DOCK4: variants seen among roughly 807,000 people sequenced by gnomAD.
DOCK4 encodes dedicator of cytokinesis 4, also known as dedicator of cytokinesis protein 4.
A neutral mutation model predicts 268.1 loss-of-function variants in DOCK4; 97 were observed. The observed-to-expected ratio is 0.36, with a 90% CI of 0.31 to 0.43. The LOEUF (loss-of-function observed/expected upper bound fraction) is 0.43, where lower values mean the gene tolerates loss of function less well. Among genes scored for constraint, DOCK4 ranks in the 20% least tolerant of loss-of-function variants. The pLI, the probability that DOCK4 is intolerant of heterozygous loss-of-function variation, is 1.00. For missense variants in DOCK4, 2,145 were observed against 2,455.7 expected, an observed-to-expected ratio of 0.87 and a Z score of 2.67; for synonymous variants, 954 against 887.2, an observed-to-expected ratio of 1.08 and a Z score of -1.34.
chr7:111,741,386 T>C (rs1251174347), intron 46 of DOCK4, among the ~76,000 whole-genome samples, 154 bp downstream of exon 46: 1 of 152,238 alleles, frequency 6.6e-6, no homozygotes, highest in Non-Finnish European at 1.5e-5. Context: ...TGTTGCTGTT[T>C]TACTGGTGGC....
rs1238100493 is a variant in DOCK4 at position 111,998,444 on chromosome 7, T to C, written c.218+4A>G. 9 of 1,571,578 alleles carry C rather than the reference T, an allele frequency of 5.7e-6. No homozygotes were observed. The highest frequency in any genetic ancestry group is 6.9e-6 in the Non-Finnish European group (8 of 1,155,914). On this transcript the variant is annotated splice_donor_region_variant and intron_variant, in intron 4 of 52. Transcript: ENST00000428084. ...TCCAACTACTAATAAAACTCATTTCTTACCCTTTGTTCTTTACACAGGCAT... is the reference window on the plus strand; with the variant it reads ...TCCAACTACTAATAAAACTCATTTCCTACCCTTTGTTCTTTACACAGGCAT...
chr7:111,998,594 T>C (rs1007730648), intron 3 of DOCK4, 91 bp from the exon 4 acceptor site: 6 of 887,380 alleles, frequency 6.8e-6, no homozygotes, highest in Non-Finnish European at 1.0e-5. Flanking sequence ...CATACAACCA[T>C]GACAACATCA....
At chr7:111,960,523 C>CTTTTT (rs753880464) in intron 8 of DOCK4, among the ~76,000 whole-genome samples, 22 of 78,480 alleles carry the variant, frequency 2.8e-4, no homozygotes, top group South Asian at 5.1e-4. Flanking sequence ...ACCTCATGTG[C>CTTTTT]TTTTTTTTTT....
chr7:111,875,671 T>C (rs1490643060), intron 17 of DOCK4, among the ~76,000 whole-genome samples: 1 of 152,198 alleles, frequency 6.6e-6, no homozygotes, highest in African/African-American at 2.4e-5. Context: ...ACTTTGAAGA[T>C]GGAGGAAGGG....
At chr7:111,755,682 G>A in intron 41 of DOCK4, 81 bp from the exon 42 acceptor site, 1 of 1,286,152 alleles carries the variant, frequency 7.8e-7, no homozygotes, top group Non-Finnish European at 1.1e-6. Context: ...GTCGGTCACT[G>A]TTACCAGGCT....
intron 39 of DOCK4, among the ~76,000 whole-genome samples, chr7:111,760,741 TGTGTGTG>T (rs1797344609): frequency 3.7e-4 from 2 of 5,360 alleles, no homozygotes; most frequent in Admixed American, 1.9e-3. Flanking sequence ...CTGCTTTTTG[TGTGTGTG>T]TGTGTGTGTG....
At chr7:111,748,015 G>A (rs1031319755) in intron 42 of DOCK4, among the ~76,000 whole-genome samples, 1 of 152,064 alleles carries the variant, frequency 6.6e-6, no homozygotes, top group Non-Finnish European at 1.5e-5. Flanking sequence ...TATACTGCAG[G>A]ATCTATTTGT....
At chr7:112,176,010 G>A (rs1344312290) in intron 1 of DOCK4, among the ~76,000 whole-genome samples, 2 of 152,000 alleles carry the variant, frequency 1.3e-5, no homozygotes, top group African/African-American at 4.8e-5. Flanking sequence ...TCAATTTTGT[G>A]GAAAATAAAG....
At chr7:111,753,724 T>C (rs1796843199) in intron 42 of DOCK4, among the ~76,000 whole-genome samples, 2 of 152,186 alleles carry the variant, frequency 1.3e-5, no homozygotes, top group Non-Finnish European at 2.9e-5. Context: ...GAAGACCTTC[T>C]ACACTAGGAG....
chr7:112,175,302 T>G (rs950664987), intron 1 of DOCK4, among the ~76,000 whole-genome samples: 6 of 152,222 alleles, frequency 3.9e-5, no homozygotes, highest in African/African-American at 1.4e-4. Context: ...ATGTATCCAC[T>G]GAATCAAAAC....
At chr7:111,901,601 A>T in intron 14 of DOCK4, 76 bp downstream of exon 14, 1 of 1,393,146 alleles carries the variant, frequency 7.2e-7, no homozygotes, top group Non-Finnish European at 9.8e-7. Flanking sequence ...ATCAGAAAAT[A>T]ACTGATCACA....
intron 1 of DOCK4, among the ~76,000 whole-genome samples, chr7:112,022,250 A>G (rs1370206488): frequency 6.6e-6 from 1 of 152,252 alleles, no homozygotes; most frequent in Non-Finnish European, 1.5e-5. Flanking sequence ...ACTGAGCCAG[A>G]AGTATCCACA....
At chr7:111,933,430 G>A (rs1794435531) in intron 12 of DOCK4, among the ~76,000 whole-genome samples, 1 of 151,124 alleles carries the variant, frequency 6.6e-6, no homozygotes, top group South Asian at 2.1e-4. Context: ...GAGTAGCTGG[G>A]ATTACAGGCA....
chr7:112,072,964 T>G (rs940385991), intron 1 of DOCK4, among the ~76,000 whole-genome samples: 2 of 152,164 alleles, frequency 1.3e-5, no homozygotes, highest in Non-Finnish European at 2.9e-5. Flanking sequence ...CCACTGCGCA[T>G]GCAGACAGCC....
At chr7:112,069,614 G>C (rs1304640251) in intron 1 of DOCK4, among the ~76,000 whole-genome samples, 1 of 152,076 alleles carries the variant, frequency 6.6e-6, no homozygotes, top group Non-Finnish European at 1.5e-5. Context: ...CCTCACACAA[G>C]AGCTTTCTCT....
chr7:111,832,341 C>G lies in DOCK4; in HGVS notation c.2835+2247G>C, dbSNP rs1176856465. ...GCATCGCGTGCTTACCCTGAACATT[C>G]ACCACTCAGGGTGCTCATGCCCATT... On this transcript the variant is annotated intron_variant, in intron 26 of 52. Coordinates refer to ENST00000428084, the MANE Select transcript of DOCK4 (RefSeq NM_001363540.2). 3.3e-5 allele frequency among the ~76,000 whole-genome samples: 5 copies of G among 152,200 alleles called. No homozygotes were observed. The East Asian group carries it at 9.6e-4, about 29-fold the overall frequency.
intron 1 of DOCK4, among the ~76,000 whole-genome samples, chr7:112,152,925 G>A (rs1032702875): frequency 1.3e-5 from 2 of 152,142 alleles, no homozygotes; most frequent in African/African-American, 2.4e-5. Context: ...AATCTATCAT[G>A]TAATAAAAAT....
chr7:111,791,470 C>A (rs1209879979), intron 30 of DOCK4, among the ~76,000 whole-genome samples: 1 of 149,698 alleles, frequency 6.7e-6, no homozygotes, highest in East Asian at 2.0e-4. Context: ...TTTTTTTTGA[C>A]ATGGAGTCTT....
At chr7:111,870,824 A>C (rs1806363605) in intron 20 of DOCK4, among the ~76,000 whole-genome samples, 1 of 152,170 alleles carries the variant, frequency 6.6e-6, no homozygotes. Flanking sequence ...GCCAACCGGA[A>C]GTGTGAGAAA....
Sources: gnomAD v4.1 joint callset for allele counts (sites outside exome capture counted in the v4.1 genomes callset) on GRCh38, gnomAD v4.1.1 for gene constraint, MANE v1.5 for transcripts, NCBI Gene and HGNC (gene_info 2026-07-23, HGNC 2026-07-21) for gene names.